The following LNX2 variants were observed in gnomAD, a reference collection of about 807,000 sequenced individuals.
LNX2 encodes the protein ligand of numb-protein X 2.
Under a neutral mutation model 66.2 loss-of-function variants are expected in LNX2, and 35 were observed. That is an observed-to-expected ratio of 0.53 (90% CI 0.40 to 0.70). The LOEUF (loss-of-function observed/expected upper bound fraction) is 0.70, where lower values mean the gene tolerates loss of function less well. Among genes scored for constraint, LNX2 ranks in the 30% least tolerant of loss-of-function variants. LNX2 has a pLI of 0.00. For synonymous variants in LNX2, 337 were observed against 315.6 expected (o/e 1.07, Z -0.72); for missense variants, 791 against 850.8 (o/e 0.93, Z 0.87).
chr13:27,562,779 G>C lies in LNX2; in HGVS notation c.858C>G (p.Val286=). Residue 286 remains valine, a splice_region_variant and synonymous_variant, in exon 5 of 10, where the codon GTC becomes GTG. Coordinates refer to ENST00000316334, the MANE Select transcript of LNX2 (RefSeq NM_153371.4). Reference sequence around the variant, plus strand: ...ACACATTGCTGATATTGTAGTTGTTGACCTAGAAAAAAAGAATTGTGACCG... The same window carrying C: ...ACACATTGCTGATATTGTAGTTGTTCACCTAGAAAAAAAGAATTGTGACCG... The part of the protein sequence containing the change: ...RLLAGDQILQ[V]NNYNISNVSH... The C allele has an allele frequency of 1.3e-6, 2 of 1,592,576 alleles. No homozygotes were observed. Among genetic ancestry groups the C allele is most frequent in the Non-Finnish European group, 1.7e-6 (2 of 1,168,124 alleles).
At chr13:27,614,501 A>G (rs1366399446) in intron 1 of LNX2, among the ~76,000 whole-genome samples, 1 of 139,032 alleles carries the variant, frequency 7.2e-6, no homozygotes, top group Non-Finnish European at 1.6e-5. Flanking sequence ...CCCTTCCCCC[A>G]GACTACCTTT....
intron 1 of LNX2, among the ~76,000 whole-genome samples, chr13:27,598,204 TAAAAAAA>T (rs10634128): frequency 7.2e-6 from 1 of 138,930 alleles, no homozygotes; most frequent in Non-Finnish European, 1.5e-5. Flanking sequence ...CAGCACTGTT[TAAAAAAA>T]AAAAAAAAAG....
rs1241997279 is a variant in LNX2 at position 27,596,104 on chromosome 13, CAT to C, written c.-100-14303_-100-14302del. On this transcript the variant is annotated intron_variant, in intron 1 of 9. Coordinates refer to ENST00000316334, the MANE Select transcript of LNX2 (RefSeq NM_153371.4). Reference sequence around the variant, plus strand: ...CAGGCTTGAACTGCATGGGTTCACTCATATGTGGATTTTTTTCAATGAATTTA... The same window carrying C: ...CAGGCTTGAACTGCATGGGTTCACTCATGTGGATTTTTTTCAATGAATTTA... Among the ~76,000 whole-genome samples, 7 of 152,194 alleles carry C rather than the reference CAT, an allele frequency of 4.6e-5. No homozygotes were observed. In the South Asian group the frequency reaches 6.2e-4, roughly 14 times the overall value.
chr13:27,596,283 T>C (rs993882083), intron 1 of LNX2, among the ~76,000 whole-genome samples: 2 of 152,062 alleles, frequency 1.3e-5, no homozygotes, highest in Non-Finnish European at 2.9e-5. Context: ...ATAAAACATA[T>C]AAAAACTATA....
At chr13:27,555,056 T>G (rs1955041583) in intron 7 of LNX2, among the ~76,000 whole-genome samples, 1 of 152,164 alleles carries the variant, frequency 6.6e-6, no homozygotes, top group African/African-American at 2.4e-5. Context: ...GCTCAGGTGA[T>G]CCTCCCACCT....
chr13:27,553,256 T>C lies in LNX2; in HGVS notation c.1730A>G (p.Tyr577Cys), dbSNP rs766713811. ...CCATGATGGGGACCAACTGGCATCA[T>C]ACTCATTTTCGCTGAAAGTACTCGG... is the stretch of plus-strand genomic sequence containing the variant. The part of the protein sequence containing the change: ...EQPSTFSENE[Y>C]DASWSPSWVM... Residue 577 changes from tyrosine (Y) to cysteine (C), a missense_variant, in exon 8 of 10, where the codon TAT becomes TGT. Physicochemically the swap from Tyr to Cys is radical, Grantham distance 194 (BLOSUM62 -2). Coordinates refer to ENST00000316334, the MANE Select transcript of LNX2 (RefSeq NM_153371.4). 61 of 1,614,030 alleles carry C rather than the reference T, an allele frequency of 3.8e-5. No individual in the cohort carries two copies. Among genetic ancestry groups the C allele is most frequent in the Non-Finnish European group, 3.6e-5 (42 of 1,180,024 alleles).
At chr13:27,601,882 C>T (rs1417771385) in intron 1 of LNX2, among the ~76,000 whole-genome samples, 1 of 152,062 alleles carries the variant, frequency 6.6e-6, no homozygotes, top group Non-Finnish European at 1.5e-5. Flanking sequence ...TGAACATTTT[C>T]AAACATACTA....
At chr13:27,587,110 A>C (rs999773207) in intron 1 of LNX2, among the ~76,000 whole-genome samples, 20 of 152,206 alleles carry the variant, frequency 1.3e-4, no homozygotes, top group African/African-American at 4.8e-4. Context: ...GATCCAGCCC[A>C]GGGAAAAAGA....
At chr13:27,573,625 T>C (rs1186033514) in intron 2 of LNX2, among the ~76,000 whole-genome samples, 1 of 151,958 alleles carries the variant, frequency 6.6e-6, no homozygotes, top group African/African-American at 2.4e-5. Flanking sequence ...GTGTTGAGGG[T>C]GTGGCATGCC....
In LNX2 at chr13:27,612,921, T is replaced by C. The variant is rs1955787475; in HGVS notation, c.-101+7454A>G. 3.3e-5 allele frequency among the ~76,000 whole-genome samples: 5 copies of C among 152,220 alleles called. No homozygotes were observed. The South Asian group carries it at 1.0e-3, about 31-fold the overall frequency. On this transcript the variant is annotated intron_variant, in intron 1 of 9. Transcript: ENST00000316334. ...AACCCAATATATGCAGAATATTATC[T>C]TGAATCGCCTCTAGATTGTAAACTC...
At chr13:27,561,155 A>T (rs1593241493) in intron 5 of LNX2, among the ~76,000 whole-genome samples, 1 of 152,376 alleles carries the variant, frequency 6.6e-6, no homozygotes, top group East Asian at 1.9e-4. Flanking sequence ...CGGACAATTT[A>T]AAATACATTT....
intron 1 of LNX2, among the ~76,000 whole-genome samples, chr13:27,613,689 A>G (rs1593267730): frequency 6.6e-6 from 1 of 152,072 alleles, no homozygotes; most frequent in Admixed American, 6.6e-5. Flanking sequence ...AATCACTTGA[A>G]CCTGGGAGGT....
At chr13:27,583,216 G>GTCCTCTCCAATATAACTT (rs1555268479) in intron 1 of LNX2, among the ~76,000 whole-genome samples, 248 of 17,670 alleles carry the variant, frequency 0.014, 34 homozygotes, top group African/African-American at 0.085. Context: ...GTGTGTGTGT[G>GTCCTCTCCAATATAACTT]TGTGTGTGTG....
At chr13:27,599,260 G>C (rs1955630104) in intron 1 of LNX2, among the ~76,000 whole-genome samples, 1 of 152,070 alleles carries the variant, frequency 6.6e-6, no homozygotes. Context: ...TATATAAAAG[G>C]GTCTATACAG....
rs923318672 is a variant in LNX2 at position 27,619,838 on chromosome 13, T to C, written c.-101+537A>G. Among the ~76,000 whole-genome samples the C allele has an allele frequency of 1.7e-4, 26 of 152,264 alleles. 1 individual carries two copies. Among genetic ancestry groups the C allele is most frequent in the Admixed American group, 1.5e-3 (23 of 15,296 alleles). ...TTTTTAAATTACCCCCTGGAAGATG[T>C]CAAATCTCTCTCCCACCCTCTCCAG... On this transcript the variant is annotated intron_variant, in intron 1 of 9. Coordinates refer to ENST00000316334, the MANE Select transcript of LNX2 (RefSeq NM_153371.4).
chr13:27,598,179 A>G (rs1296472817), intron 1 of LNX2, among the ~76,000 whole-genome samples: 1 of 145,230 alleles, frequency 6.9e-6, no homozygotes, highest in Non-Finnish European at 1.5e-5. Context: ...ACCACTTAGG[A>G]GTGGGTAAGG....
rs1286374177 is a variant in LNX2, at chr13:27,553,307, T to G, written c.1679A>C (p.Glu560Ala). 6.2e-7 allele frequency: 1 copy of G among 1,614,184 alleles called. No individual in the cohort carries two copies. The highest frequency in any genetic ancestry group is 1.1e-5 in the South Asian group (1 of 91,082). The change falls in exon 8 of 10, where the codon GAG becomes GCG. Residue 560 changes from glutamate to alanine, a missense_variant. Transcript: ENST00000316334. Reference sequence around the variant, plus strand: ...CTGCTCCTCCGCGTTCTGAGTCGCCTCCTCAACAATCTGGACCTCAAGTGC... The same window carrying G: ...CTGCTCCTCCGCGTTCTGAGTCGCCGCCTCAACAATCTGGACCTCAAGTGC... ...LKALEVQIVE[E>A]ATQNAEEQPS...
At chr13:27,585,891 TATTTTC>T (rs1329333627) in intron 1 of LNX2, among the ~76,000 whole-genome samples, 1 of 151,866 alleles carries the variant, frequency 6.6e-6, no homozygotes, top group Non-Finnish European at 1.5e-5. Context: ...TTCAGTTCTT[TATTTTC>T]ATTTTATCAA....
At chr13:27,614,085 T>C (rs962756482) in intron 1 of LNX2, among the ~76,000 whole-genome samples, 1 of 152,246 alleles carries the variant, frequency 6.6e-6, no homozygotes, top group Non-Finnish European at 1.5e-5. Flanking sequence ...TAATTATTCC[T>C]GGGCTTAAAC....
Sources: gnomAD v4.1 joint callset for allele counts (sites outside exome capture counted in the v4.1 genomes callset) on GRCh38, gnomAD v4.1.1 for gene constraint, MANE v1.5 for transcripts, NCBI Gene and HGNC (gene_info 2026-07-23, HGNC 2026-07-21) for gene names.